Variants in MYBPC2 observed in about 807,000 individuals in gnomAD.
MYBPC2 encodes myosin binding protein C2.
In MYBPC2, 122 loss-of-function variants were observed where a neutral mutation model predicts 137.0. The ratio of observed to expected loss-of-function variants is 0.89; its 90% confidence interval spans 0.77 to 1.03. The LOEUF (loss-of-function observed/expected upper bound fraction) is 1.03. Among genes scored for constraint, MYBPC2 ranks in the 50% least tolerant of loss-of-function variants. The pLI, the probability that MYBPC2 is intolerant of heterozygous loss-of-function variation, is 0.00. For synonymous variants in MYBPC2, 626 were observed against 612.3 expected (o/e 1.02, Z -0.33); for missense variants, 1,500 against 1,534.4 (o/e 0.98, Z 0.37).
intron 24 of MYBPC2, 121 bp downstream of exon 24, chr19:50,460,300 C>T: frequency 7.3e-7 from 1 of 1,365,378 alleles, no homozygotes; most frequent in East Asian, 2.5e-5. Flanking sequence ...CGGGCTGGGG[C>T]CAGGAGGGAA....
At chr19:50,459,328 C>G in intron 23 of MYBPC2, 22 bp downstream of exon 23, 5 of 1,577,888 alleles carry the variant, frequency 3.2e-6, no homozygotes, top group Non-Finnish European at 4.3e-6. Context: ...GGGGAGGGCC[C>G]CTGGAGGCCG....
At chr19:50,459,996 C>T (rs1481911654) in intron 23 of MYBPC2, 44 bp from the exon 24 acceptor site, 1 of 1,549,524 alleles carries the variant, frequency 6.5e-7, no homozygotes, top group South Asian at 1.2e-5. Context: ...AGCGGCTGGA[C>T]ATCCCAAAAC....
chr19:50,450,136 G>A (rs2039842867), intron 13 of MYBPC2, among the ~76,000 whole-genome samples: 1 of 152,156 alleles, frequency 6.6e-6, no homozygotes, highest in Non-Finnish European at 1.5e-5. Flanking sequence ...CAGCCTAGGT[G>A]ACAGAGTGAG....
chr19:50,440,745 A>G (rs1256368268), intron 7 of MYBPC2, 135 bp from the exon 8 acceptor site: 2 of 836,832 alleles, frequency 2.4e-6, no homozygotes, highest in Non-Finnish European at 3.7e-6. Flanking sequence ...GGGGCAATGG[A>G]CCAGGCGGGA....
At chr19:50,451,667 G>T (rs537860563) in intron 15 of MYBPC2, among the ~76,000 whole-genome samples, 197 bp from the exon 16 acceptor site, 1 of 149,522 alleles carries the variant, frequency 6.7e-6, no homozygotes, top group African/African-American at 2.5e-5. Flanking sequence ...AGGAGGGGCT[G>T]GGGGCCTAGA....
At chr19:50,464,575 G>T (rs747564912) in intron 27 of MYBPC2, 43 bp downstream of exon 27, 1 of 1,548,924 alleles carries the variant, frequency 6.5e-7, no homozygotes, top group Non-Finnish European at 8.7e-7. Flanking sequence ...CCCTTGCTCG[G>T]GCCCTGTGCC....
intron 27 of MYBPC2, among the ~76,000 whole-genome samples, 180 bp downstream of exon 27, chr19:50,464,712 G>C (rs570763808): frequency 7.2e-5 from 11 of 152,294 alleles, no homozygotes; most frequent in African/African-American, 1.9e-4. Flanking sequence ...AGTTGGGGTT[G>C]GGGAGCCCCT....
In MYBPC2 at chr19:50,458,909, C is replaced by A. The variant is rs1347761768; in HGVS notation, c.2507-9C>A. The A allele has an allele frequency of 1.0e-5, 16 of 1,606,236 alleles. No individual in the cohort carries two copies. Among genetic ancestry groups the A allele is most frequent in the Non-Finnish European group, 1.4e-5 (16 of 1,176,186 alleles). ...CCGCTGAGCCCCCTCCCTGTGTTTG[C>A]GCCCTCAGAGCCACCCAAGATCCGG... On this transcript the variant is annotated splice_polypyrimidine_tract_variant and intron_variant, in intron 21 of 27. Transcript: ENST00000357701.
intron 24 of MYBPC2, 33 bp downstream of exon 24, chr19:50,460,212 CGGTGAGGTGGGCAGAGCA>C (rs1334097741): frequency 1.3e-6 from 2 of 1,579,218 alleles, no homozygotes; most frequent in African/African-American, 1.3e-5. Context: ...GGGGAAGAGC[CGGTGAGGTGGGCAGAGCA>C]GGTGCAGATG....
intron 12 of MYBPC2, among the ~76,000 whole-genome samples, chr19:50,447,615 C>G (rs376779106): frequency 1.1e-4 from 16 of 152,066 alleles, no homozygotes; most frequent in African/African-American, 3.9e-4. Flanking sequence ...CCCAGCACTT[C>G]GGGAGGCCAA....
Position 50,435,170 on chromosome 19 carries a change from A to C in MYBPC2, c.29A>C (p.Lys10Thr). 1 of 1,326,150 alleles carries C rather than the reference A, an allele frequency of 7.5e-7. No homozygotes were observed. Among genetic ancestry groups the C allele is most frequent in the Non-Finnish European group, 1.1e-6 (1 of 922,840 alleles). The allele number at this position is 1,326,150 out of a possible 1,614,324, so 82.1% of individuals were successfully genotyped here. MPEAKPAAK[K>T]APKGKDAPKG... ...GTCCCCTACCTTACAGCGGCCAAAA[A>C]GGCCCCCAAAGGCAAAGATGCCCCC... The change falls in exon 2 of 28, where the codon AAG (lysine) becomes ACG (threonine). Residue 10 changes from lysine (K) to threonine (T), a missense_variant. Coordinates refer to ENST00000357701, the MANE Select transcript of MYBPC2 (RefSeq NM_004533.4). The surrounding 1 kb of genome is among the most constrained non-coding windows in gnomAD (Gnocchi z 4.8).
chr19:50,457,298 T>TA (rs1300953547), intron 20 of MYBPC2, among the ~76,000 whole-genome samples: 2 of 152,168 alleles, frequency 1.3e-5, no homozygotes, highest in African/African-American at 4.8e-5. Flanking sequence ...CCCAGCTTGT[T>TA]AGAGTTCACT....
chr19:50,452,508 G>GTATGTATGTATC (rs1433850781), intron 16 of MYBPC2, among the ~76,000 whole-genome samples: 10 of 114,652 alleles, frequency 8.7e-5, no homozygotes, highest in African/African-American at 2.1e-4. Context: ...ATGTATGTAT[G>GTATGTATGTATC]TATCTATCTA....
chr19:50,436,540 TA>T, intron 4 of MYBPC2, 76 bp from the exon 5 acceptor site: 1 of 1,296,566 alleles, frequency 7.7e-7, no homozygotes. Flanking sequence ...GAGATAGAGC[TA>T]TGAGTGGACT....
At chr19:50,457,788 T>C (rs2039927711) in intron 20 of MYBPC2, among the ~76,000 whole-genome samples, 1 of 150,462 alleles carries the variant, frequency 6.6e-6, no homozygotes, top group Non-Finnish European at 1.5e-5. Flanking sequence ...CAAGCGATTC[T>C]CCTGCCTCAG....
chr19:50,437,441 T>C, intron 5 of MYBPC2, 32 bp from the exon 6 acceptor site: 1 of 1,601,636 alleles, frequency 6.2e-7, no homozygotes, highest in Non-Finnish European at 8.5e-7. Context: ...GGCCTCTAAC[T>C]CACCTTCCCT....
intron 21 of MYBPC2, 60 bp from the exon 22 acceptor site, chr19:50,458,858 T>TG (rs2039939657): frequency 1.3e-6 from 2 of 1,595,174 alleles, no homozygotes; most frequent in South Asian, 2.2e-5. Flanking sequence ...TTATCACCAT[T>TG]GGCCCCTGGA....
Position 50,436,053 on chromosome 19 carries a change from C to T in MYBPC2, c.238C>T (p.Leu80Phe), listed in dbSNP as rs376451430. ...CGTGGCCAAGGTGAACGGGAAGGAGCTCCCAGACAAACCGACCATCAAGTG... is the reference window on the plus strand; with the variant it reads ...CGTGGCCAAGGTGAACGGGAAGGAGTTCCCAGACAAACCGACCATCAAGTG... Reference protein sequence around the residue: ...VVVAKVNGKELPDKPTIKWFK... With the variant: ...VVVAKVNGKEFPDKPTIKWFK... Residue 80 changes from leucine (L) to phenylalanine (F), a missense_variant, in exon 4 of 28, where the codon CTC becomes TTC. Leu to Phe is a conservative substitution (Grantham distance 22). Coordinates refer to ENST00000357701, the MANE Select transcript of MYBPC2 (RefSeq NM_004533.4). 1.3e-6 allele frequency: 2 copies of T among 1,584,902 alleles called. No individual in the cohort carries two copies. Among genetic ancestry groups the T allele is most frequent in the Admixed American group, 1.8e-5 (1 of 55,480 alleles).
intron 8 of MYBPC2, 58 bp downstream of exon 8, chr19:50,441,134 G>A (rs2039750880): frequency 6.8e-7 from 1 of 1,474,472 alleles, no homozygotes; most frequent in South Asian, 1.3e-5. Context: ...TAGCCTTGTG[G>A]GTGTCTAATG....
Sources: gnomAD v4.1 joint callset for allele counts (sites outside exome capture counted in the v4.1 genomes callset) on GRCh38, gnomAD v4.1.1 for gene constraint, Gnocchi (gnomAD v3.1) non-coding constraint, MANE v1.5 for transcripts, NCBI Gene and HGNC (gene_info 2026-07-23, HGNC 2026-07-21) for gene names.